The following UBE2W variants were observed in gnomAD, a reference collection of about 807,000 sequenced individuals.
The protein encoded by UBE2W is ubiquitin conjugating enzyme E2 W, also known as ubiquitin-conjugating enzyme E2 W.
Under a neutral mutation model 27.2 loss-of-function variants are expected in UBE2W, and 18 were observed. The ratio of observed to expected loss-of-function variants is 0.66; its 90% CI spans 0.46 to 0.98. The LOEUF is 0.98. Among genes scored for constraint, UBE2W ranks in the 50% least tolerant of loss-of-function variants. The pLI, the probability that UBE2W is intolerant of heterozygous loss-of-function variation, is 0.00. For synonymous variants in UBE2W, 53 were observed against 57.2 expected, an observed-to-expected ratio of 0.93 and a Z score of 0.33; for missense variants, 90 against 180.2, an observed-to-expected ratio of 0.50 and a Z score of 2.87.
chr8:73,866,288 AAAAT>A (rs1360048645), intron 1 of UBE2W, among the ~76,000 whole-genome samples: 10 of 80,330 alleles, frequency 1.2e-4, no homozygotes, highest in South Asian at 9.2e-4. Context: ...AAAAAAAAAA[AAAAT>A]ATATATATAT....
intron 1 of UBE2W, among the ~76,000 whole-genome samples, chr8:73,845,858 C>T (rs1310120514): frequency 6.6e-6 from 1 of 151,940 alleles, no homozygotes; most frequent in African/African-American, 2.4e-5. Context: ...GTAAGTAAAA[C>T]CACCAATTTA....
intron 1 of UBE2W, among the ~76,000 whole-genome samples, chr8:73,875,172 C>T (rs1812164975): frequency 6.6e-6 from 1 of 152,176 alleles, no homozygotes; most frequent in South Asian, 2.1e-4. Context: ...AAAGGGATCA[C>T]ATAAGTCTGA....
At chr8:73,870,074 C>G (rs758281862) in intron 1 of UBE2W, among the ~76,000 whole-genome samples, 10 of 152,072 alleles carry the variant, frequency 6.6e-5, no homozygotes, top group Non-Finnish European at 1.2e-4. Flanking sequence ...CTGCAAACAG[C>G]AGTGATGGTT....
At chr8:73,822,327 C>G (rs1049359397) in intron 3 of UBE2W, among the ~76,000 whole-genome samples, 1 of 152,036 alleles carries the variant, frequency 6.6e-6, no homozygotes, top group Non-Finnish European at 1.5e-5. Flanking sequence ...AATCCCTAAG[C>G]CTAGCTGGGA....
downstream of UBE2W, among the ~76,000 whole-genome samples, chr8:73,785,189 C>T (rs929884238): frequency 2.0e-5 from 3 of 152,158 alleles, no homozygotes; most frequent in African/African-American, 7.2e-5. Flanking sequence ...CTCTGTCACC[C>T]AGGCTGGAGT....
chr8:73,827,447 C>T (rs977245217), intron 2 of UBE2W, among the ~76,000 whole-genome samples: 1 of 152,142 alleles, frequency 6.6e-6, no homozygotes, highest in Non-Finnish European at 1.5e-5. Context: ...CTCCCGAACT[C>T]GGGTGATCTG....
At chr8:73,858,996 G>A (rs905363633) in intron 1 of UBE2W, among the ~76,000 whole-genome samples, 6 of 150,512 alleles carry the variant, frequency 4.0e-5, no homozygotes, top group Non-Finnish European at 7.4e-5. Flanking sequence ...GTGTGTGTGT[G>A]TGTGTGTGTG....
chr8:73,873,182 T>G (rs1224505003), intron 1 of UBE2W, among the ~76,000 whole-genome samples: 1 of 152,206 alleles, frequency 6.6e-6, no homozygotes. Flanking sequence ...GTGCTGGGAT[T>G]ACAGGCTTGA....
At chr8:73,874,584 C>T (rs1007638392) in intron 1 of UBE2W, among the ~76,000 whole-genome samples, 2 of 152,280 alleles carry the variant, frequency 1.3e-5, no homozygotes, top group East Asian at 1.9e-4. Flanking sequence ...TAAAAGAATG[C>T]TTCTGCAGTT....
chr8:73,861,365 C>T (rs1811527417), intron 1 of UBE2W, among the ~76,000 whole-genome samples: 1 of 152,046 alleles, frequency 6.6e-6, no homozygotes, highest in Admixed American at 6.6e-5. Flanking sequence ...AATAATGACC[C>T]CAATGAAGGG....
chr8:73,852,972 G>A (rs945479873), intron 1 of UBE2W, among the ~76,000 whole-genome samples: 19 of 152,174 alleles, frequency 1.2e-4, no homozygotes, highest in African/African-American at 4.6e-4. Flanking sequence ...GAACATTTAT[G>A]TCCCTCCAAA....
At chr8:73,871,862 AC>A (rs1812020423) in intron 1 of UBE2W, among the ~76,000 whole-genome samples, 1 of 152,180 alleles carries the variant, frequency 6.6e-6, no homozygotes, top group South Asian at 2.1e-4. Flanking sequence ...TCTGTCACCC[AC>A]GCTGGAGTGC....
intron 1 of UBE2W, among the ~76,000 whole-genome samples, chr8:73,854,095 A>C (rs1031938245): frequency 3.3e-5 from 5 of 152,012 alleles, no homozygotes; most frequent in African/African-American, 9.7e-5. Flanking sequence ...GCTGTAGTGA[A>C]CCCTGATTGT....
rs1564531 is a variant in UBE2W at position 73,787,740 on chromosome 8, T to C, written c.*6362A>G. ...TCATTTAAGTCATTAGTTGATCTGT[T>C]TGTATACTCCAGAAAGCATCCAGAA... On this transcript the variant is annotated 3_prime_UTR_variant, in exon 6 of 6. Coordinates refer to ENST00000602593, the MANE Select transcript of UBE2W (RefSeq NM_018299.6). The C allele has an allele frequency of 0.76, 745,960 of 985,166 alleles. 286,687 individuals are homozygous for C. The highest frequency in any genetic ancestry group is 0.93 in the East Asian group (8,205 of 8,810). The allele number at this position is 985,166 out of a possible 1,614,324, so 61.0% of individuals were successfully genotyped here.
chr8:73,846,625 A>C (rs576252773), intron 1 of UBE2W, among the ~76,000 whole-genome samples: 233 of 152,336 alleles, frequency 1.5e-3, no homozygotes, highest in Non-Finnish European at 2.2e-3. Context: ...CTTACAAAAA[A>C]AATTTTTGGT....
chr8:73,793,155 C>A lies in UBE2W; in HGVS notation c.*947G>T. On this transcript the variant is annotated 3_prime_UTR_variant, in exon 6 of 6. Coordinates refer to ENST00000602593, the MANE Select transcript of UBE2W (RefSeq NM_018299.6). ...CAAAAATGTTTACGGGGTTTCCAAA[C>A]ATAAATAAATGAAATAGTGTTTAGG... 2 of 985,742 alleles carry A rather than the reference C, an allele frequency of 2.0e-6. No individual in the cohort carries two copies. Among genetic ancestry groups the A allele is most frequent in the Non-Finnish European group, 2.4e-6 (2 of 829,868 alleles). The allele number at this position is 985,742 out of a possible 1,614,324, so 61.1% of individuals were successfully genotyped here.
chr8:73,821,469 T>C (rs1809606460), intron 3 of UBE2W, among the ~76,000 whole-genome samples: 1 of 145,328 alleles, frequency 6.9e-6, no homozygotes, highest in Admixed American at 7.1e-5. Flanking sequence ...GGTTTTACTG[T>C]CAGGGGGTGA....
chr8:73,847,754 T>G (rs565280220), intron 1 of UBE2W, among the ~76,000 whole-genome samples: 4 of 151,234 alleles, frequency 2.6e-5, no homozygotes, highest in African/African-American at 9.7e-5. Context: ...ATACAAAAAT[T>G]AGCCGGGCAT....
intron 5 of UBE2W, among the ~76,000 whole-genome samples, chr8:73,799,598 T>C (rs1808555395): frequency 6.6e-6 from 1 of 152,182 alleles, no homozygotes; most frequent in Non-Finnish European, 1.5e-5. Flanking sequence ...ATCACTAATC[T>C]AAACCAAACC....
Sources: gnomAD v4.1 joint callset for allele counts (sites outside exome capture counted in the v4.1 genomes callset) on GRCh38, gnomAD v4.1.1 for gene constraint, MANE v1.5 for transcripts, NCBI Gene and HGNC (gene_info 2026-07-23, HGNC 2026-07-21) for gene names.